The following NXPH1 variants were observed in gnomAD, a reference collection of about 807,000 sequenced individuals.
The protein encoded by NXPH1 is neurexophilin 1.
Under a neutral mutation model 23.7 loss-of-function variants are expected in NXPH1, and 5 were observed. That is an observed-to-expected ratio of 0.21 (90% confidence interval 0.11 to 0.44). The LOEUF (loss-of-function observed/expected upper bound fraction) is 0.44, where lower values mean the gene tolerates loss of function less well. Ranked by LOEUF, NXPH1 falls within the 20% of genes least tolerant of loss-of-function variation. NXPH1 has a pLI of 0.99. For synonymous variants in NXPH1, 144 were observed against 122.2 expected, an observed-to-expected ratio of 1.18 and a Z score of -1.18; for missense variants, 324 against 321.6, an observed-to-expected ratio of 1.01 and a Z score of -0.06.
intron 2 of NXPH1, among the ~76,000 whole-genome samples, chr7:8,536,112 T>C (rs1034477591): frequency 3.3e-5 from 5 of 152,078 alleles, no homozygotes; most frequent in Non-Finnish European, 4.4e-5. Flanking sequence ...GTCTTCCCAC[T>C]TGATTGAGTT....
intron 2 of NXPH1, among the ~76,000 whole-genome samples, chr7:8,453,074 C>G (rs985180919): frequency 6.6e-6 from 1 of 151,786 alleles, no homozygotes; most frequent in African/African-American, 2.4e-5. Flanking sequence ...AGTTTGGAAA[C>G]TAAAATGGTC....
chr7:8,639,895 C>G (rs1190097226), intron 2 of NXPH1, among the ~76,000 whole-genome samples: 1 of 152,052 alleles, frequency 6.6e-6, no homozygotes, highest in Admixed American at 6.6e-5. Flanking sequence ...AACTGTAAGA[C>G]CAATTAAACG....
At chr7:8,590,210 A>C (rs1261301957) in intron 2 of NXPH1, among the ~76,000 whole-genome samples, 1 of 152,096 alleles carries the variant, frequency 6.6e-6, no homozygotes, top group Non-Finnish European at 1.5e-5. Flanking sequence ...AGAGACAGAT[A>C]CTGGAGGGTG....
chr7:8,595,168 A>C (rs1819193392), intron 2 of NXPH1, among the ~76,000 whole-genome samples: 1 of 151,962 alleles, frequency 6.6e-6, no homozygotes, highest in African/African-American at 2.4e-5. Context: ...CTCTAGTATA[A>C]AGAAGGAGTG....
chr7:8,687,092 A>G (rs1360269630), intron 2 of NXPH1, among the ~76,000 whole-genome samples: 1 of 152,142 alleles, frequency 6.6e-6, no homozygotes, highest in Admixed American at 6.6e-5. Context: ...TGACTTCAGC[A>G]GATATGTAAA....
chr7:8,651,952 A>T (rs1425877535), intron 2 of NXPH1, among the ~76,000 whole-genome samples: 1 of 152,056 alleles, frequency 6.6e-6, no homozygotes, highest in Non-Finnish European at 1.5e-5. Flanking sequence ...TATTCTGTAT[A>T]TTTTTTCTGA....
chr7:8,628,263 C>T (rs1820038013), intron 2 of NXPH1, among the ~76,000 whole-genome samples: 1 of 151,530 alleles, frequency 6.6e-6, no homozygotes, highest in African/African-American at 2.4e-5. Flanking sequence ...TAACATGTTA[C>T]AGAGTTTGAT....
intron 2 of NXPH1, among the ~76,000 whole-genome samples, chr7:8,591,191 G>A (rs928467098): frequency 6.6e-6 from 1 of 152,012 alleles, no homozygotes; most frequent in South Asian, 2.1e-4. Context: ...ACATTGTGTC[G>A]TTCTTTCATG....
chr7:8,596,423 T>C (rs2128626386), intron 2 of NXPH1, among the ~76,000 whole-genome samples: 1 of 152,222 alleles, frequency 6.6e-6, no homozygotes, highest in Non-Finnish European at 1.5e-5. Context: ...TCCTGCTAAA[T>C]GGCCCACAAA....
chr7:8,655,610 G>GTA (rs1820569238), intron 2 of NXPH1, among the ~76,000 whole-genome samples: 1 of 150,868 alleles, frequency 6.6e-6, no homozygotes, highest in Non-Finnish European at 1.5e-5. Context: ...ATGTGTGTGT[G>GTA]ATGGTCATAT....
At chr7:8,664,564 T>C (rs1820730961) in intron 2 of NXPH1, among the ~76,000 whole-genome samples, 1 of 152,112 alleles carries the variant, frequency 6.6e-6, no homozygotes, top group Admixed American at 6.6e-5. Context: ...AGATGCTGGA[T>C]TATAAGGCAC....
At chr7:8,726,315 AT>A (rs1418592421) in intron 2 of NXPH1, among the ~76,000 whole-genome samples, 4 of 140,760 alleles carry the variant, frequency 2.8e-5, no homozygotes, top group Admixed American at 1.4e-4. Flanking sequence ...AATAATTTTC[AT>A]TTTTTTGTTT....
intron 2 of NXPH1, among the ~76,000 whole-genome samples, chr7:8,592,672 T>C (rs1459337724): frequency 1.3e-5 from 2 of 152,056 alleles, no homozygotes; most frequent in Non-Finnish European, 2.9e-5. Flanking sequence ...ACAGAGCTCA[T>C]CGTCTCTGTT....
chr7:8,483,811 A>C (rs913234599), intron 2 of NXPH1, among the ~76,000 whole-genome samples: 1 of 152,036 alleles, frequency 6.6e-6, no homozygotes, highest in Non-Finnish European at 1.5e-5. Flanking sequence ...AGGTCCATAG[A>C]AGTTTTAACA....
At chr7:8,445,462 C>T (rs950435571) in intron 2 of NXPH1, among the ~76,000 whole-genome samples, 1 of 152,178 alleles carries the variant, frequency 6.6e-6, no homozygotes, top group Non-Finnish European at 1.5e-5. Context: ...TGCCTCTAAC[C>T]CACCACAATG....
intron 2 of NXPH1, among the ~76,000 whole-genome samples, chr7:8,695,918 T>G (rs1446679160): frequency 6.6e-6 from 1 of 152,198 alleles, no homozygotes; most frequent in Non-Finnish European, 1.5e-5. Context: ...TAATTTCTTC[T>G]TTTTAAAAAT....
chr7:8,558,715 C>T lies in NXPH1; in HGVS notation c.54+122948C>T, dbSNP rs532507202. Among the ~76,000 whole-genome samples the T allele has an allele frequency of 5.3e-4, 81 of 151,666 alleles. 1 individual carries two copies. The South Asian group carries it at 0.013, about 24-fold the overall frequency. On this transcript the variant is annotated intron_variant, in intron 2 of 2. Coordinates refer to ENST00000405863, the MANE Select transcript of NXPH1 (RefSeq NM_152745.3). ...TGATATTTAATAAGTTTCATTTCTC[C>T]TTGTTATTTTTAAATTAAGTTTCAT...
chr7:8,506,945 T>C (rs1373746215), intron 2 of NXPH1, among the ~76,000 whole-genome samples: 1 of 151,978 alleles, frequency 6.6e-6, no homozygotes, highest in African/African-American at 2.4e-5. Context: ...TTTCAGTGTG[T>C]GTATTTTCAT....
At chr7:8,645,323 A>G (rs1248234673) in intron 2 of NXPH1, among the ~76,000 whole-genome samples, 1 of 152,132 alleles carries the variant, frequency 6.6e-6, no homozygotes, top group Non-Finnish European at 1.5e-5. Flanking sequence ...TCCCTCAGCA[A>G]TATTTTCAAA....
Sources: gnomAD v4.1 joint callset for allele counts (sites outside exome capture counted in the v4.1 genomes callset) on GRCh38, gnomAD v4.1.1 for gene constraint, MANE v1.5 for transcripts, NCBI Gene and HGNC (gene_info 2026-07-23, HGNC 2026-07-21) for gene names.